TRPM6: variants seen among roughly 807,000 people sequenced by gnomAD.
TRPM6 encodes channel kinase 2.
A neutral mutation model predicts 247.6 loss-of-function variants in TRPM6; 111 were observed. That is an observed-to-expected ratio of 0.45 (90% CI 0.38 to 0.52). The LOEUF (loss-of-function observed/expected upper bound fraction) is 0.52, where lower values mean the gene tolerates loss of function less well. Among genes scored for constraint, TRPM6 ranks in the 20% least tolerant of loss-of-function variants. The probability of loss-of-function intolerance (pLI) is 0.00; values close to 1 mark genes in which losing one functional copy is unlikely to be tolerated. For missense variants in TRPM6, 2,126 were observed against 2,421.5 expected, an observed-to-expected ratio of 0.88 and a Z score of 2.56; for synonymous variants, 892 against 853.8, an observed-to-expected ratio of 1.04 and a Z score of -0.78.
rs139407826 is a variant in TRPM6 at position 74,857,052 on chromosome 9, T to A, written c.114-1487A>T. Among the ~76,000 whole-genome samples, 422 of 152,260 alleles carry A rather than the reference T, an allele frequency of 2.8e-3. 2 individuals are homozygous for A. The highest frequency in any genetic ancestry group is 9.9e-3 in the African/African-American group (410 of 41,554). On this transcript the variant is annotated intron_variant, in intron 2 of 38. Transcript: ENST00000360774. Reference sequence around the variant, plus strand: ...CTTTTTTTTTGAGATTCAAGATTATTGTAAAAATGATTTTTTTATTCACAG... The same window carrying A: ...CTTTTTTTTTGAGATTCAAGATTATAGTAAAAATGATTTTTTTATTCACAG...
chr9:74,864,657 A>G (rs1830788686), intron 1 of TRPM6, among the ~76,000 whole-genome samples: 1 of 152,202 alleles, frequency 6.6e-6, no homozygotes, highest in Non-Finnish European at 1.5e-5. Context: ...TTTTGGTAAC[A>G]TCTCTAAAAA....
chr9:74,737,520 C>T (rs1251945295), intron 36 of TRPM6: 12 of 861,672 alleles, frequency 1.4e-5, no homozygotes, highest in Non-Finnish European at 2.0e-5. Context: ...GTTATACCCT[C>T]TACATATGAA....
At chr9:74,802,204 T>C (rs750441188) in intron 15 of TRPM6, 29 bp from the exon 16 acceptor site, 3 of 1,602,618 alleles carry the variant, frequency 1.9e-6, no homozygotes, top group Non-Finnish European at 2.6e-6. Flanking sequence ...GGAATGAGTT[T>C]TCAAATACTC....
At chr9:74,825,030 C>T (rs1480537603) in intron 7 of TRPM6, among the ~76,000 whole-genome samples, 2 of 152,166 alleles carry the variant, frequency 1.3e-5, no homozygotes, top group Admixed American at 1.3e-4. Flanking sequence ...GAGGCCAAGG[C>T]AGGTGGATTA....
chr9:74,877,074 A>C (rs1285021715), intron 1 of TRPM6, among the ~76,000 whole-genome samples: 2 of 152,232 alleles, frequency 1.3e-5, no homozygotes, highest in African/African-American at 4.8e-5. Flanking sequence ...AAGTCAGACA[A>C]TACAAAAAAT....
chr9:74,855,449 G>A (rs956458962), intron 3 of TRPM6, 78 bp downstream of exon 3: 57 of 995,692 alleles, frequency 5.7e-5, no homozygotes, highest in Admixed American at 1.7e-4. Context: ...GTACATTCAA[G>A]ATATGAGGAA....
chr9:74,753,173 T>C (rs564236364), intron 28 of TRPM6, among the ~76,000 whole-genome samples: 2 of 152,158 alleles, frequency 1.3e-5, no homozygotes, highest in East Asian at 3.9e-4. Context: ...TTTAGCCTTT[T>C]ATTAAAAAGG....
intron 1 of TRPM6, among the ~76,000 whole-genome samples, chr9:74,867,008 A>T (rs992034296): frequency 2.6e-5 from 4 of 152,242 alleles, no homozygotes; most frequent in Admixed American, 1.3e-4. Flanking sequence ...AAAAAAGTTC[A>T]TAAACAGAGC....
At chr9:74,819,880 G>A (rs1166212072) in intron 9 of TRPM6, among the ~76,000 whole-genome samples, 4 of 152,212 alleles carry the variant, frequency 2.6e-5, no homozygotes, top group Non-Finnish European at 5.9e-5. Flanking sequence ...CATGGAGAGT[G>A]CGGACAGCAG....
At chr9:74,744,850 C>CA (rs1388696350) in intron 31 of TRPM6, among the ~76,000 whole-genome samples, 1 of 152,190 alleles carries the variant, frequency 6.6e-6, no homozygotes, top group Non-Finnish European at 1.5e-5. Context: ...GAGTAAGCAG[C>CA]ATAATGAGCC....
intron 23 of TRPM6, among the ~76,000 whole-genome samples, chr9:74,779,463 CT>C (rs961737585): frequency 1.3e-5 from 2 of 151,726 alleles, no homozygotes; most frequent in Non-Finnish European, 1.5e-5. Context: ...ACAGCAGTCA[CT>C]TTTTTTTTAA....
At chr9:74,747,810 A>G in intron 31 of TRPM6, 79 bp downstream of exon 31, 1 of 1,233,942 alleles carries the variant, frequency 8.1e-7, no homozygotes, top group Non-Finnish European at 1.2e-6. Context: ...AAGAATGACA[A>G]AAATATCAGC....
intron 1 of TRPM6, among the ~76,000 whole-genome samples, chr9:74,876,166 C>A (rs1831187139): frequency 6.6e-6 from 1 of 152,226 alleles, no homozygotes; most frequent in Admixed American, 6.5e-5. Flanking sequence ...TCACTGCAAC[C>A]TCCACCTCTC....
intron 3 of TRPM6, among the ~76,000 whole-genome samples, chr9:74,852,682 G>C (rs889386712): frequency 6.6e-6 from 1 of 152,216 alleles, no homozygotes; most frequent in Non-Finnish European, 1.5e-5. Context: ...TGGTGGAGAC[G>C]GGGTTTCGCA....
chr9:74,814,140 T>C (rs80335932), intron 11 of TRPM6, among the ~76,000 whole-genome samples: 15 of 152,092 alleles, frequency 9.9e-5, no homozygotes, highest in Non-Finnish European at 2.9e-5. Context: ...ATGAAAAACA[T>C]AGGGGAGGGT....
intron 1 of TRPM6, among the ~76,000 whole-genome samples, chr9:74,868,593 G>A (rs1830928492): frequency 6.6e-6 from 1 of 152,142 alleles, no homozygotes; most frequent in African/African-American, 2.4e-5. Flanking sequence ...GTAAGGAAGT[G>A]GGTCATAAAT....
intron 1 of TRPM6, among the ~76,000 whole-genome samples, chr9:74,861,027 A>G (rs1237864832): frequency 5.3e-5 from 8 of 151,094 alleles, no homozygotes; most frequent in East Asian, 2.0e-4. Flanking sequence ...TGTCACAAAA[A>G]AAAGAAAGAA....
In TRPM6 at chr9:74,762,289, T is replaced by C. The variant is rs1826672309; in HGVS notation, c.4382A>G (p.Asp1461Gly). Reference protein sequence around the residue: ...GYVNWAFSEGDETGVFSIKKK... With the variant: ...GYVNWAFSEGGETGVFSIKKK... Reference sequence around the variant, plus strand: ...CTTGATGCTAAACACACCAGTTTCATCACCTTCTGAAAATGCCCAGTTTAC... The same window carrying C: ...CTTGATGCTAAACACACCAGTTTCACCACCTTCTGAAAATGCCCAGTTTAC... The change falls in exon 26 of 39, where the codon GAT becomes GGT. Residue 1461 changes from aspartate (D) to glycine (G), a missense_variant. This residue lies in a region of TRPM6 where 717 missense variants were observed against 715.9 expected (regional missense o/e 1.00). Transcript: ENST00000360774. 1.2e-6 allele frequency: 2 copies of C among 1,614,104 alleles called. No individual in the cohort carries two copies. The highest frequency in any genetic ancestry group is 1.7e-5 in the Admixed American group (1 of 59,996).
rs988596958 is a variant in TRPM6, at chr9:74,796,849, T to A, written c.2283A>T (p.Glu761Asp). ...GTGACATCTCAGCTTTGCTTTTAAA[T>A]TCCAGTGTCAAAATGGTGGGTGGTA... ...IILPPTILTLEFKSKAEMSHV... is the reference protein window; with the variant it reads ...IILPPTILTLDFKSKAEMSHV... The change falls in exon 18 of 39, where the codon GAA (glutamate) becomes GAT (aspartate). Residue 761 changes from glutamate to aspartate, a missense_variant. Physicochemically the swap from Glu to Asp is conservative, Grantham distance 45. Transcript: ENST00000360774. The A allele has an allele frequency of 6.2e-7, 1 of 1,613,952 alleles. No individual in the cohort carries two copies. The highest frequency in any genetic ancestry group is 8.5e-7 in the Non-Finnish European group (1 of 1,179,864).
Sources: allele counts gnomAD v4.1 joint callset (sites outside exome capture counted in the v4.1 genomes callset), GRCh38; gene constraint gnomAD v4.1.1; regional missense constraint gnomAD v4.1.1; transcripts MANE v1.5; gene names NCBI Gene and HGNC (gene_info 2026-07-23, HGNC 2026-07-21).